Variants in SEMA5A observed in about 807,000 individuals in gnomAD.
SEMA5A encodes semaphorin 5A.
In SEMA5A, 55 loss-of-function variants were observed where a neutral mutation model predicts 135.5. That is an observed-to-expected ratio of 0.41 (90% CI 0.33 to 0.51). The LOEUF (loss-of-function observed/expected upper bound fraction) is 0.51, where lower values mean the gene tolerates loss of function less well. Among genes scored for constraint, SEMA5A ranks in the 20% least tolerant of loss-of-function variants. The pLI is 0.37. For synonymous variants in SEMA5A, 580 were observed against 546.5 expected, an observed-to-expected ratio of 1.06 and a Z score of -0.85; for missense variants, 1,290 against 1,419.9, an observed-to-expected ratio of 0.91 and a Z score of 1.47.
chr5:9,160,679 A>G (rs2150279588), intron 11 of SEMA5A, among the ~76,000 whole-genome samples: 1 of 152,304 alleles, frequency 6.6e-6, no homozygotes, highest in Non-Finnish European at 1.5e-5. Flanking sequence ...CAATGCAGTC[A>G]AAGAAGACCA....
At chr5:9,400,117 A>G (rs186669064) in intron 2 of SEMA5A, among the ~76,000 whole-genome samples, 37 of 152,272 alleles carry the variant, frequency 2.4e-4, no homozygotes, top group African/African-American at 6.5e-4. Flanking sequence ...ATGAGAACAC[A>G]TGGACACAGC....
At chr5:9,502,561 G>C (rs1735650595) in intron 1 of SEMA5A, among the ~76,000 whole-genome samples, 1 of 151,132 alleles carries the variant, frequency 6.6e-6, no homozygotes, top group African/African-American at 2.4e-5. Context: ...CCTGTGTCTT[G>C]AGCTTACAGA....
intron 3 of SEMA5A, among the ~76,000 whole-genome samples, chr5:9,378,486 G>A (rs1050355769): frequency 6.6e-6 from 1 of 152,148 alleles, no homozygotes; most frequent in Non-Finnish European, 1.5e-5. Context: ...CCATGACACG[G>A]TCAAGACAAA....
intron 3 of SEMA5A, among the ~76,000 whole-genome samples, chr5:9,344,662 C>T (rs922812891): frequency 6.6e-6 from 1 of 152,164 alleles, no homozygotes; most frequent in African/African-American, 2.4e-5. Context: ...TTATCTCCCT[C>T]AAATGACTTT....
chr5:9,375,302 GGTC>G (rs1298087231), intron 3 of SEMA5A, among the ~76,000 whole-genome samples: 1 of 152,052 alleles, frequency 6.6e-6, no homozygotes, highest in African/African-American at 2.4e-5. Flanking sequence ...TTTAAGATGA[GGTC>G]GTACTGGATT....
chr5:9,458,398 A>T (rs1758927656), intron 1 of SEMA5A, among the ~76,000 whole-genome samples: 1 of 152,202 alleles, frequency 6.6e-6, no homozygotes, highest in Admixed American at 6.5e-5. Context: ...CTTTTGAAAT[A>T]ATGTAGAACC....
At chr5:9,439,205 A>T (rs1758143945) in intron 1 of SEMA5A, among the ~76,000 whole-genome samples, 1 of 152,224 alleles carries the variant, frequency 6.6e-6, no homozygotes, top group Non-Finnish European at 1.5e-5. Context: ...TGAAGCCAAA[A>T]GAGGAGCCAG....
At chr5:9,407,318 C>T (rs144448634) in intron 2 of SEMA5A, among the ~76,000 whole-genome samples, 225 of 152,290 alleles carry the variant, frequency 1.5e-3, no homozygotes, top group African/African-American at 4.8e-3. Flanking sequence ...TGTGCTAATA[C>T]GATCTTACAG....
intron 1 of SEMA5A, among the ~76,000 whole-genome samples, chr5:9,450,735 T>G (rs183916093): frequency 1.3e-5 from 2 of 151,922 alleles, no homozygotes. Flanking sequence ...AAAAGTGAAG[T>G]TATAATGTGA....
intron 3 of SEMA5A, among the ~76,000 whole-genome samples, chr5:9,339,478 T>G (rs917450985): frequency 1.6e-4 from 24 of 152,256 alleles, no homozygotes; most frequent in African/African-American, 5.3e-4. Flanking sequence ...CTCTTGCGTC[T>G]GCATTGCTCC....
chr5:9,172,552 C>T (rs1743982913), intron 11 of SEMA5A, among the ~76,000 whole-genome samples: 1 of 152,130 alleles, frequency 6.6e-6, no homozygotes, highest in African/African-American at 2.4e-5. Context: ...AATCCCTTAA[C>T]TGTACTTGGG....
chr5:9,380,865 C>A (rs1755570822), intron 2 of SEMA5A, among the ~76,000 whole-genome samples: 1 of 151,858 alleles, frequency 6.6e-6, no homozygotes. Flanking sequence ...CATGCAGGGG[C>A]TCAAATCTGA....
intron 4 of SEMA5A, among the ~76,000 whole-genome samples, chr5:9,323,815 C>T (rs1197597913): frequency 6.6e-6 from 1 of 151,758 alleles, no homozygotes; most frequent in Non-Finnish European, 1.5e-5. Flanking sequence ...TGACATGCCA[C>T]CACGCCTGAC....
chr5:9,347,986 A>G (rs969468532), intron 3 of SEMA5A, among the ~76,000 whole-genome samples: 1 of 152,180 alleles, frequency 6.6e-6, no homozygotes, highest in Non-Finnish European at 1.5e-5. Context: ...AATTCTTTGC[A>G]TGATTTTCAG....
At chr5:9,498,047 T>C (rs1240144643) in intron 1 of SEMA5A, among the ~76,000 whole-genome samples, 1 of 152,250 alleles carries the variant, frequency 6.6e-6, no homozygotes, top group Non-Finnish European at 1.5e-5. Flanking sequence ...TAAATATTTT[T>C]AAATTTTCTG....
chr5:9,202,101 G>A lies in SEMA5A; in HGVS notation c.786C>T (p.Phe262=). 6.2e-7 allele frequency: 1 copy of A among 1,614,180 alleles called. No homozygotes were observed. Among genetic ancestry groups the A allele is most frequent in the South Asian group, 1.1e-5 (1 of 91,080 alleles). The part of the protein sequence containing the change: ...RVCKNDIGGR[F]LLEDTWTTFM... ...ATGTGGTCCAGGTGTCTTCCAGCAGGAAGCGCCCACCAATATCGTTCTTGC... is the reference window on the plus strand; with the variant it reads ...ATGTGGTCCAGGTGTCTTCCAGCAGAAAGCGCCCACCAATATCGTTCTTGC... Residue 262 remains phenylalanine (F), a synonymous_variant, in exon 9 of 23, where the codon TTC becomes TTT. Transcript: ENST00000382496.
At chr5:9,287,870 C>T (rs1415694282) in intron 5 of SEMA5A, among the ~76,000 whole-genome samples, 1 of 151,726 alleles carries the variant, frequency 6.6e-6, no homozygotes, top group Non-Finnish European at 1.5e-5. Context: ...AATTATTTCC[C>T]TCAAGCCCTA....
At chr5:9,403,387 C>T (rs141565828) in intron 2 of SEMA5A, among the ~76,000 whole-genome samples, 97 of 152,172 alleles carry the variant, frequency 6.4e-4, no homozygotes, top group African/African-American at 2.0e-3. Context: ...TGAGGAAGCA[C>T]AAGGAAAGAT....
intron 5 of SEMA5A, among the ~76,000 whole-genome samples, chr5:9,275,139 A>T (rs1242134312): frequency 1.3e-5 from 2 of 152,148 alleles, no homozygotes; most frequent in African/African-American, 4.8e-5. Flanking sequence ...ATAAAAAATG[A>T]TAAAGGGTAT....
Sources: allele counts gnomAD v4.1 joint callset (sites outside exome capture counted in the v4.1 genomes callset), GRCh38; gene constraint gnomAD v4.1.1; transcripts MANE v1.5; gene names NCBI Gene and HGNC (gene_info 2026-07-23, HGNC 2026-07-21).